NGF: variants seen among roughly 807,000 people sequenced by gnomAD.
NGF encodes nerve growth factor.
Under a neutral mutation model 12.8 loss-of-function variants are expected in NGF, and 4 were observed. The ratio of observed to expected loss-of-function variants is 0.31; its 90% confidence interval spans 0.15 to 0.72. The LOEUF (loss-of-function observed/expected upper bound fraction) is 0.72. NGF is among the 30% of genes least tolerant of loss of function. NGF has a pLI of 0.69. For missense variants in NGF, 283 were observed against 330.8 expected, an observed-to-expected ratio of 0.86 and a Z score of 1.12; for synonymous variants, 140 against 130.0, an observed-to-expected ratio of 1.08 and a Z score of -0.52.
intron 1 of NGF, among the ~76,000 whole-genome samples, chr1:115,328,233 A>G (rs1159766377): frequency 6.6e-6 from 1 of 152,178 alleles, no homozygotes; most frequent in Non-Finnish European, 1.5e-5. Context: ...CTAAGCTTCC[A>G]TGAGAACTAA....
At chr1:115,313,777 A>G (rs1367571362) in intron 1 of NGF, among the ~76,000 whole-genome samples, 1 of 152,180 alleles carries the variant, frequency 6.6e-6, no homozygotes, top group Admixed American at 6.5e-5. Context: ...TATTTTGTGA[A>G]TTATTTCTAT....
chr1:115,294,207 G>A (rs1388572383), intron 1 of NGF, among the ~76,000 whole-genome samples: 2 of 152,208 alleles, frequency 1.3e-5, no homozygotes, highest in African/African-American at 4.8e-5. Flanking sequence ...TGATAAAAAT[G>A]CAGATGAGTA....
chr1:115,308,272 G>T (rs1571083949), intron 1 of NGF, among the ~76,000 whole-genome samples: 1 of 152,326 alleles, frequency 6.6e-6, no homozygotes, highest in African/African-American at 2.4e-5. Context: ...CTGCTGTGCA[G>T]TTGGTCAGTG....
chr1:115,331,633 G>A (rs895408448), intron 1 of NGF, among the ~76,000 whole-genome samples: 7 of 152,202 alleles, frequency 4.6e-5, no homozygotes, highest in African/African-American at 1.7e-4. Flanking sequence ...AAAAGTTCTT[G>A]AAGAGATCTG....
At chr1:115,305,472 G>A (rs1056805421) in intron 1 of NGF, among the ~76,000 whole-genome samples, 1 of 152,164 alleles carries the variant, frequency 6.6e-6, no homozygotes, top group South Asian at 2.1e-4. Context: ...TCTGGGTTTT[G>A]TTCTGAGTGT....
At chr1:115,321,576 ATGTGTGTGTGTGTGTGTGTGTGTGTG>A (rs59590858) in intron 1 of NGF, among the ~76,000 whole-genome samples, 2,270 of 133,270 alleles carry the variant, frequency 0.017, 38 homozygotes, top group Non-Finnish European at 0.021. Context: ...TGTGTATGGG[ATGTGTGTGTGTGTGTGTGTGTGTGTG>A]TGTGTGTGTG....
At chr1:115,336,095 G>A (rs886372312) in intron 1 of NGF, among the ~76,000 whole-genome samples, 1 of 152,110 alleles carries the variant, frequency 6.6e-6, no homozygotes, top group African/African-American at 2.4e-5. Context: ...TGGCCCTTGG[G>A]GCAGGAGAGT....
chr1:115,319,265 A>G (rs1290153535), intron 1 of NGF, among the ~76,000 whole-genome samples: 1 of 152,056 alleles, frequency 6.6e-6, no homozygotes, highest in Non-Finnish European at 1.5e-5. Flanking sequence ...AAGATTCTCC[A>G]TCTCATAGCC....
At chr1:115,308,345 C>A (rs986954624) in intron 1 of NGF, among the ~76,000 whole-genome samples, 6 of 152,200 alleles carry the variant, frequency 3.9e-5, no homozygotes, top group African/African-American at 1.4e-4. Context: ...CCCAGAGTGG[C>A]AGGTGTTAAA....
intron 1 of NGF, among the ~76,000 whole-genome samples, chr1:115,299,373 T>G (rs746873471): frequency 3.9e-5 from 6 of 152,130 alleles, no homozygotes; most frequent in Non-Finnish European, 7.4e-5. Flanking sequence ...TAGGAAGAAG[T>G]TGTTGTGGTT....
intron 1 of NGF, among the ~76,000 whole-genome samples, chr1:115,319,071 A>G (rs1450173715): frequency 6.6e-6 from 1 of 152,222 alleles, no homozygotes; most frequent in Non-Finnish European, 1.5e-5. Context: ...TCAGCATTTA[A>G]GTCTGACTAA....
intron 1 of NGF, among the ~76,000 whole-genome samples, chr1:115,315,678 G>T (rs2101043877): frequency 6.6e-6 from 1 of 152,288 alleles, no homozygotes; most frequent in East Asian, 1.9e-4. Flanking sequence ...ATAGGCAGTT[G>T]ATATAGACAT....
intron 1 of NGF, among the ~76,000 whole-genome samples, chr1:115,324,896 T>G (rs147404637): frequency 1.3e-5 from 2 of 152,338 alleles, no homozygotes; most frequent in African/African-American, 4.8e-5. Flanking sequence ...ATAGAGCTCC[T>G]ACTACATGAT....
chr1:115,292,128 G>A (rs768011412), intron 2 of NGF, among the ~76,000 whole-genome samples: 2 of 152,132 alleles, frequency 1.3e-5, no homozygotes, highest in East Asian at 1.9e-4. Context: ...GTAAAGGCTC[G>A]AATACTCTTG....
At chr1:115,298,748 C>A (rs573676609) in intron 1 of NGF, among the ~76,000 whole-genome samples, 1 of 152,036 alleles carries the variant, frequency 6.6e-6, no homozygotes, top group East Asian at 1.9e-4. Context: ...ATAGGCCAAC[C>A]CACTATTTGG....
chr1:115,330,264 GAA>G (rs1290468460), intron 1 of NGF, among the ~76,000 whole-genome samples: 2 of 152,138 alleles, frequency 1.3e-5, no homozygotes, highest in Non-Finnish European at 2.9e-5. Context: ...CATTTGCTTG[GAA>G]AAGAGTCAGT....
At chr1:115,292,915 C>A (rs1366139035) in intron 2 of NGF, among the ~76,000 whole-genome samples, 1 of 151,576 alleles carries the variant, frequency 6.6e-6, no homozygotes, top group Non-Finnish European at 1.5e-5. Context: ...AAAACACTAG[C>A]AGGTACCAGC....
In NGF at chr1:115,286,788, A is replaced by G. The variant is rs1322638248; in HGVS notation, c.8T>C (p.Met3Thr). The change falls in exon 3 of 3, where the codon ATG becomes ACG. Residue 3 changes from methionine to threonine, a missense_variant. Physicochemically the swap from Met to Thr is moderately conservative, Grantham distance 81. Coordinates refer to ENST00000369512, the MANE Select transcript of NGF (RefSeq NM_002506.3). MS[M>T]LFYTLITAFL... ...AGCTGTGATCAGAGTGTAGAACAAC[A>G]TGGACATTACGCTATGCACCTGGAA... The G allele has an allele frequency of 2.5e-6, 4 of 1,614,190 alleles. No individual in the cohort carries two copies. The highest frequency in any genetic ancestry group is 1.7e-5 in the Admixed American group (1 of 60,032).
chr1:115,286,880 CA>C, intron 2 of NGF, 73 bp from the exon 3 acceptor site: 1 of 1,567,080 alleles, frequency 6.4e-7, no homozygotes, highest in Middle Eastern at 1.7e-4. Context: ...CTGGGTCCCT[CA>C]GAGTTGACCT....
Sources: allele counts gnomAD v4.1 joint callset (sites outside exome capture counted in the v4.1 genomes callset), GRCh38; gene constraint gnomAD v4.1.1; transcripts MANE v1.5; gene names NCBI Gene and HGNC (gene_info 2026-07-23, HGNC 2026-07-21).